PLPP1: variants seen among roughly 807,000 people sequenced by gnomAD.
PLPP1 encodes the protein phospholipid phosphatase 1.
Under a neutral mutation model 31.2 loss-of-function variants are expected in PLPP1, and 24 were observed. The ratio of observed to expected loss-of-function variants is 0.77; its 90% CI spans 0.56 to 1.08. PLPP1 has a LOEUF of 1.08. Ranked by LOEUF, PLPP1 falls within the 50% of genes least tolerant of loss-of-function variation. The pLI is 0.00. For synonymous variants in PLPP1, 146 were observed against 126.3 expected (o/e 1.16, Z -1.05); for missense variants, 319 against 342.7 (o/e 0.93, Z 0.55).
intron 4 of PLPP1, among the ~76,000 whole-genome samples, chr5:55,429,204 T>C (rs1425910120): frequency 1.3e-5 from 2 of 150,790 alleles, no homozygotes; most frequent in South Asian, 2.1e-4. Context: ...GCAAAAGCTA[T>C]GGTCGAGGAC....
At chr5:55,501,887 G>A (rs976653369) in intron 1 of PLPP1, among the ~76,000 whole-genome samples, 7 of 152,134 alleles carry the variant, frequency 4.6e-5, no homozygotes, top group Non-Finnish European at 8.8e-5. Context: ...ATAACCTTGA[G>A]ACTCAAGAGT....
intron 1 of PLPP1, among the ~76,000 whole-genome samples, chr5:55,477,118 C>T (rs1752567728): frequency 6.6e-6 from 1 of 151,844 alleles, no homozygotes; most frequent in Non-Finnish European, 1.5e-5. Context: ...TCAGACTATC[C>T]TCTGATTCAC....
intron 1 of PLPP1, chr5:55,530,539 G>C (rs943135845): frequency 8.2e-7 from 1 of 1,222,610 alleles, no homozygotes; most frequent in African/African-American, 1.5e-5. Context: ...TGAAAGTTTG[G>C]AATGATAGAA....
At chr5:55,487,506 T>C (rs965227609) in intron 1 of PLPP1, among the ~76,000 whole-genome samples, 3 of 151,638 alleles carry the variant, frequency 2.0e-5, no homozygotes, top group Non-Finnish European at 4.4e-5. Context: ...CCTTTTTGGA[T>C]AGCTAAAGAA....
chr5:55,433,026 G>A (rs1289328710), intron 4 of PLPP1, among the ~76,000 whole-genome samples: 3 of 151,634 alleles, frequency 2.0e-5, no homozygotes, highest in South Asian at 4.2e-4. Context: ...AGAAATAAAC[G>A]GACCAGGTGT....
Position 55,530,777 on chromosome 5 carries a change from A to AGAAAACGTGCTGACAGGGC in PLPP1, c.58+3776_58+3794dup, listed in dbSNP as rs1740634272. 6 of 1,542,016 alleles carry AGAAAACGTGCTGACAGGGC rather than the reference A, an allele frequency of 3.9e-6. No individual in the cohort carries two copies. In the East Asian group the frequency reaches 1.3e-4, roughly 35 times the overall value. ...ATTGCAGTCAGGAAACATTTTCTAC[A>AGAAAACGTGCTGACAGGGC]GAAAACGTGCTGACAGGGCGCGGTC... On this transcript the variant is annotated intron_variant, in intron 1 of 5. Coordinates refer to ENST00000307259, the MANE Select transcript of PLPP1 (RefSeq NM_003711.4).
At chr5:55,426,300 C>T (rs552755541) in intron 4 of PLPP1, among the ~76,000 whole-genome samples, 1 of 152,298 alleles carries the variant, frequency 6.6e-6, no homozygotes, top group South Asian at 2.1e-4. Flanking sequence ...ACAGGTGTTT[C>T]CTTGTTTATG....
chr5:55,533,937 G>C (rs2111970782), intron 1 of PLPP1, among the ~76,000 whole-genome samples: 2 of 152,266 alleles, frequency 1.3e-5, no homozygotes, highest in East Asian at 3.9e-4. Context: ...ACTGTCACAA[G>C]AGATGGAAAG....
intron 2 of PLPP1, among the ~76,000 whole-genome samples, chr5:55,468,605 C>A (rs756730785): frequency 6.6e-6 from 1 of 152,024 alleles, no homozygotes; most frequent in Non-Finnish European, 1.5e-5. Flanking sequence ...AGTTCGAGAC[C>A]AGCCTGGCCA....
At chr5:55,499,254 C>T (rs913360977) in intron 1 of PLPP1, among the ~76,000 whole-genome samples, 1 of 152,196 alleles carries the variant, frequency 6.6e-6, no homozygotes, top group Non-Finnish European at 1.5e-5. Flanking sequence ...CTCCATGATA[C>T]ACATGTTGAA....
chr5:55,431,170 G>A (rs1751339186), intron 4 of PLPP1, among the ~76,000 whole-genome samples: 3 of 152,140 alleles, frequency 2.0e-5, no homozygotes, highest in Non-Finnish European at 2.9e-5. Flanking sequence ...AACTTCCCAA[G>A]TCTAGCAAGA....
rs1479270267 is a variant in PLPP1 at position 55,468,122 on chromosome 5, A to G, written c.238T>C (p.Tyr80His). 6.2e-7 allele frequency: 1 copy of G among 1,605,462 alleles called. No homozygotes were observed. The highest frequency in any genetic ancestry group is 1.1e-5 in the South Asian group (1 of 89,694). Residue 80 changes from tyrosine (Y) to histidine (H), a missense_variant, in exon 3 of 6, where the codon TAC (tyrosine) becomes CAC (histidine). Physicochemically the swap from Tyr to His is moderately conservative, Grantham distance 83 (BLOSUM62 2). Transcript: ENST00000307259. ...GAATTTGAGTGCAAAAGGTTACAGTAAACAGACAGGGTTTCTCCAAGAATA... is the reference window on the plus strand; with the variant it reads ...GAATTTGAGTGCAAAAGGTTACAGTGAACAGACAGGGTTTCTCCAAGAATA... ...VIILGETLSV[Y>H]CNLLHSNSFI... is the part of the protein sequence containing the mutation.
chr5:55,524,626 A>G (rs1044059371), intron 1 of PLPP1, among the ~76,000 whole-genome samples: 2 of 152,128 alleles, frequency 1.3e-5, no homozygotes, highest in Non-Finnish European at 2.9e-5. Flanking sequence ...CCTGGCCAAC[A>G]TGGTGAAACC....
chr5:55,430,525 G>A (rs1440832473), intron 4 of PLPP1, among the ~76,000 whole-genome samples: 1 of 152,190 alleles, frequency 6.6e-6, no homozygotes, highest in African/African-American at 2.4e-5. Context: ...ACTATTGCAT[G>A]CATCTGGAAT....
intron 5 of PLPP1, chr5:55,425,605 T>C (rs1751163391): frequency 4.5e-6 from 2 of 448,230 alleles, no homozygotes; most frequent in South Asian, 6.0e-5. Context: ...TTTCAAGTCA[T>C]AATCCCCTAA....
intron 4 of PLPP1, among the ~76,000 whole-genome samples, chr5:55,437,551 A>C (rs1296511468): frequency 6.6e-6 from 1 of 152,078 alleles, no homozygotes; most frequent in Non-Finnish European, 1.5e-5. Flanking sequence ...CCAACCCCAG[A>C]ACTAGACTAA....
intron 3 of PLPP1, among the ~76,000 whole-genome samples, chr5:55,461,376 T>TATAAATCCA (rs1381793046): frequency 6.8e-4 from 103 of 152,132 alleles, no homozygotes; most frequent in African/African-American, 2.4e-3. Context: ...CTTAATAAAA[T>TATAAATCCA]ATTAGCAAAC....
At chr5:55,485,561 A>T (rs1468863114) in intron 1 of PLPP1, among the ~76,000 whole-genome samples, 4 of 151,228 alleles carry the variant, frequency 2.6e-5, no homozygotes, top group Non-Finnish European at 5.9e-5. Context: ...AAATGGGTAT[A>T]TAGTTAAGGC....
At chr5:55,476,020 C>T (rs1264797113) in intron 1 of PLPP1, among the ~76,000 whole-genome samples, 2 of 149,116 alleles carry the variant, frequency 1.3e-5, no homozygotes, top group African/African-American at 4.9e-5. Flanking sequence ...ATTCTGTTAC[C>T]CAGGCTAGAG....
Sources: allele counts gnomAD v4.1 joint callset (sites outside exome capture counted in the v4.1 genomes callset), GRCh38; gene constraint gnomAD v4.1.1; transcripts MANE v1.5; gene names NCBI Gene and HGNC (gene_info 2026-07-23, HGNC 2026-07-21).